CMKLR1: variants seen among roughly 807,000 people sequenced by gnomAD.
CMKLR1 encodes the protein chemerin chemokine-like receptor 1, also known as chemerin-like receptor 1.
In CMKLR1, 6 loss-of-function variants were observed where a neutral mutation model predicts 8.2. That is an observed-to-expected ratio of 0.73 (90% CI 0.40 to 1.44). The LOEUF is 1.44. Among genes scored for constraint, CMKLR1 ranks in the 40% most tolerant of loss-of-function variants. CMKLR1 has a pLI of 0.02. For synonymous variants in CMKLR1, 178 were observed against 181.2 expected, an observed-to-expected ratio of 0.98 and a Z score of 0.14; for missense variants, 429 against 478.0, an observed-to-expected ratio of 0.90 and a Z score of 0.96.
chr12:108,318,490 T>C (rs1328096941), intron 2 of CMKLR1, among the ~76,000 whole-genome samples: 1 of 152,230 alleles, frequency 6.6e-6, no homozygotes, highest in African/African-American at 2.4e-5. Flanking sequence ...TCCACGTTTA[T>C]CAAAGGGAAA....
chr12:108,295,712 C>A (rs1891116481), intron 2 of CMKLR1, among the ~76,000 whole-genome samples: 1 of 152,244 alleles, frequency 6.6e-6, no homozygotes, highest in African/African-American at 2.4e-5. Context: ...CCATCTCTGA[C>A]CTTCCCCTCC....
intron 2 of CMKLR1, among the ~76,000 whole-genome samples, chr12:108,296,894 G>C (rs1013925658): frequency 6.6e-6 from 1 of 152,142 alleles, no homozygotes; most frequent in Non-Finnish European, 1.5e-5. Context: ...CCTCTCAAGT[G>C]GGGGTAAGAA....
intron 2 of CMKLR1, among the ~76,000 whole-genome samples, chr12:108,326,811 G>C (rs1236318157): frequency 6.6e-6 from 1 of 152,112 alleles, no homozygotes; most frequent in Non-Finnish European, 1.5e-5. Context: ...TTTCCCAAGG[G>C]CCTCGCATGC....
chr12:108,291,644 A>T lies in CMKLR1; in HGVS notation c.*197T>A. ...GCATAAATTGCTAGTCCAAGGCTGT[A>T]TGGAACACAGCATGTTCTGTCCACT... is the stretch of plus-strand genomic sequence containing the variant. On this transcript the variant is annotated 3_prime_UTR_variant, in exon 4 of 4. Transcript: ENST00000550402. 8 of 618,046 alleles carry T rather than the reference A, an allele frequency of 1.3e-5. No homozygotes were observed. The highest frequency in any genetic ancestry group is 2.0e-5 in the Non-Finnish European group (7 of 354,448). The allele number at this position is 618,046 out of a possible 1,614,324, so 38.3% of individuals were successfully genotyped here.
intron 2 of CMKLR1, among the ~76,000 whole-genome samples, chr12:108,321,565 T>C (rs1891862858): frequency 6.6e-6 from 1 of 152,164 alleles, no homozygotes; most frequent in African/African-American, 2.4e-5. Flanking sequence ...TAACTCTGAC[T>C]CTGCTGGAGA....
intron 2 of CMKLR1, among the ~76,000 whole-genome samples, chr12:108,329,630 C>T (rs1892057799): frequency 6.6e-6 from 1 of 152,170 alleles, no homozygotes; most frequent in Admixed American, 6.5e-5. Context: ...ATGGAATCAT[C>T]ATGGGTGACT....
At chr12:108,325,008 AC>A (rs1244530177) in intron 2 of CMKLR1, among the ~76,000 whole-genome samples, 5 of 152,182 alleles carry the variant, frequency 3.3e-5, no homozygotes. Flanking sequence ...CTGGAAGACC[AC>A]AGCTGGTTCA....
At chr12:108,297,596 T>A (rs1301928571) in intron 2 of CMKLR1, among the ~76,000 whole-genome samples, 1 of 152,222 alleles carries the variant, frequency 6.6e-6, no homozygotes, top group African/African-American at 2.4e-5. Flanking sequence ...AAATAACTCC[T>A]ATTTGCAGAT....
chr12:108,303,118 C>A (rs1473515245), intron 2 of CMKLR1, among the ~76,000 whole-genome samples: 2 of 152,236 alleles, frequency 1.3e-5, no homozygotes, highest in African/African-American at 4.8e-5. Context: ...ACATGCAGCC[C>A]TCAGAGCTCC....
intron 2 of CMKLR1, among the ~76,000 whole-genome samples, chr12:108,314,106 A>G (rs913780802): frequency 1.3e-5 from 2 of 152,160 alleles, no homozygotes; most frequent in Non-Finnish European, 2.9e-5. Flanking sequence ...TCACTTAATT[A>G]TTGGCGTGAT....
In CMKLR1 at chr12:108,290,900, A is replaced by T. The variant is rs1379235464; in HGVS notation, c.*941T>A. 6.6e-6 allele frequency: 1 copy of T among 152,202 alleles called. No individual in the cohort carries two copies. Among genetic ancestry groups the T allele is most frequent in the Non-Finnish European group, 1.5e-5 (1 of 68,052 alleles). The allele number at this position is 152,202 out of a possible 1,614,324, so 9.4% of individuals were successfully genotyped here. A position where few individuals can be genotyped will look rare whatever the true frequency, so the allele number is the denominator to read the frequency against. On this transcript the variant is annotated 3_prime_UTR_variant, in exon 4 of 4. Transcript: ENST00000550402. The stretch of plus-strand genomic sequence containing the variant: ...ATTAACCAGAATGAGAAGCCCCACC[A>T]CCAGTGTTTTATTCTAAGCACCTCC...
intron 2 of CMKLR1, among the ~76,000 whole-genome samples, chr12:108,309,966 C>T (rs1230535449): frequency 1.3e-5 from 2 of 152,124 alleles, no homozygotes; most frequent in South Asian, 2.1e-4. Flanking sequence ...TCCTGCCTGG[C>T]CCTGTTGGTC....
intron 1 of CMKLR1, among the ~76,000 whole-genome samples, chr12:108,332,773 G>C (rs900711233): frequency 1.3e-5 from 2 of 152,080 alleles, no homozygotes; most frequent in Non-Finnish European, 2.9e-5. Flanking sequence ...TGAACCGTAA[G>C]AGAACCCTCT....
At chr12:108,299,748 C>G (rs1328786394) in intron 2 of CMKLR1, among the ~76,000 whole-genome samples, 2 of 152,162 alleles carry the variant, frequency 1.3e-5, no homozygotes, top group African/African-American at 4.8e-5. Flanking sequence ...CAAAGAACAT[C>G]TGGAGCCACC....
At chr12:108,297,664 C>A (rs530808074) in intron 2 of CMKLR1, among the ~76,000 whole-genome samples, 1 of 152,204 alleles carries the variant, frequency 6.6e-6, no homozygotes, top group East Asian at 1.9e-4. Flanking sequence ...CAGCAGGGAG[C>A]TCTGACTCCA....
At chr12:108,295,295 G>A (rs1215006745) in intron 2 of CMKLR1, among the ~76,000 whole-genome samples, 3 of 152,238 alleles carry the variant, frequency 2.0e-5, no homozygotes, top group Admixed American at 1.3e-4. Flanking sequence ...GCAGGGGCTG[G>A]AAGAGCTGGG....
chr12:108,293,068 T>G, intron 3 of CMKLR1, 109 bp from the exon 4 acceptor site: 1 of 1,048,372 alleles, frequency 9.5e-7, no homozygotes, highest in Non-Finnish European at 1.4e-6. Context: ...CAAGTCCAGT[T>G]TTGTGATTTA....
chr12:108,311,341 A>T (rs1485018407), intron 2 of CMKLR1, among the ~76,000 whole-genome samples: 1 of 152,236 alleles, frequency 6.6e-6, no homozygotes, highest in Non-Finnish European at 1.5e-5. Context: ...GAGACTGGGC[A>T]CAGTGGCTCA....
At chr12:108,296,270 T>C (rs1891131869) in intron 2 of CMKLR1, among the ~76,000 whole-genome samples, 2 of 152,254 alleles carry the variant, frequency 1.3e-5, no homozygotes, top group Non-Finnish European at 2.9e-5. Flanking sequence ...CTCAGTTGTC[T>C]TATCTGTAAA....
Sources: gnomAD v4.1 joint callset for allele counts (sites outside exome capture counted in the v4.1 genomes callset) on GRCh38, gnomAD v4.1.1 for gene constraint, MANE v1.5 for transcripts, NCBI Gene and HGNC (gene_info 2026-07-23, HGNC 2026-07-21) for gene names.